PKD2: variants seen among roughly 807,000 people sequenced by gnomAD.
PKD2 encodes polycystin 2, transient receptor potential cation channel.
A neutral mutation model predicts 105.9 loss-of-function variants in PKD2; 48 were observed. The ratio of observed to expected loss-of-function variants is 0.45; its 90% CI spans 0.36 to 0.58. The LOEUF (loss-of-function observed/expected upper bound fraction) is 0.58, where lower values mean the gene tolerates loss of function less well. Among genes scored for constraint, PKD2 ranks in the 20% least tolerant of loss-of-function variants. The probability of loss-of-function intolerance (pLI) is 0.00; values close to 1 mark genes in which losing one functional copy is unlikely to be tolerated. For synonymous variants in PKD2, 464 were observed against 481.1 expected (o/e 0.96, Z 0.46); for missense variants, 1,078 against 1,255.3 (o/e 0.86, Z 2.13).
At chr4:88,017,044 G>T (rs1014957929) in intron 1 of PKD2, among the ~76,000 whole-genome samples, 7 of 151,598 alleles carry the variant, frequency 4.6e-5, no homozygotes, top group Non-Finnish European at 8.8e-5. Context: ...AAATAAGGGA[G>T]GCCAAGTGCA....
At chr4:88,073,816 T>C (rs113584238) in intron 13 of PKD2, among the ~76,000 whole-genome samples, 4 of 152,336 alleles carry the variant, frequency 2.6e-5, no homozygotes, top group African/African-American at 9.6e-5. Flanking sequence ...TTTTTAATAT[T>C]TGAGTTTTAA....
intron 8 of PKD2, 55 bp from the exon 9 acceptor site, chr4:88,057,928 C>T (rs1049063768): frequency 1.5e-6 from 2 of 1,345,930 alleles, no homozygotes; most frequent in Non-Finnish European, 2.1e-6. Context: ...AATGTTGCAT[C>T]AACTAGTGGA....
chr4:88,071,975 C>CTTTTTTTTTTTTT (rs1199490302), intron 13 of PKD2, among the ~76,000 whole-genome samples: 1 of 87,110 alleles, frequency 1.1e-5, no homozygotes, highest in Non-Finnish European at 2.1e-5. Context: ...AGAGGCCAGT[C>CTTTTTTTTTTTTT]TTTTTTTTTT....
intron 10 of PKD2, among the ~76,000 whole-genome samples, chr4:88,063,096 C>G (rs537927541): frequency 1.4e-4 from 21 of 152,348 alleles, no homozygotes; most frequent in African/African-American, 4.3e-4. Flanking sequence ...GATGTGCAGG[C>G]TGAGCAGGCT....
At chr4:88,068,716 T>A (rs1169878777) in intron 13 of PKD2, among the ~76,000 whole-genome samples, 2 of 152,224 alleles carry the variant, frequency 1.3e-5, no homozygotes, top group African/African-American at 4.8e-5. Context: ...AGAATGAATA[T>A]TCTGCTGTTC....
chr4:88,065,496 G>C lies in PKD2; in HGVS notation c.2240+1G>C, dbSNP rs1553927783. 6.2e-7 allele frequency: 1 copy of C among 1,613,650 alleles called. No homozygotes were observed. The highest frequency in any genetic ancestry group is 8.5e-7 in the Non-Finnish European group (1 of 1,179,618). On this transcript the variant is annotated splice_donor_variant, in intron 11 of 14. Transcript: ENST00000237596. LOFTEE classifies it high-confidence loss of function. ...ACGAACTTCGACAAGATCTCAAAGG[G>C]TGAGAATCATGCTTCCTGAGGTTCT...
chr4:88,071,099 A>G (rs1721018461), intron 13 of PKD2, among the ~76,000 whole-genome samples: 1 of 151,766 alleles, frequency 6.6e-6, no homozygotes, highest in Non-Finnish European at 1.5e-5. Flanking sequence ...TCTGTCACCC[A>G]GGCTAGAGTG....
Position 88,007,814 on chromosome 4 carries a change from C to T in PKD2, c.81C>T (p.Gly27=). The stretch of plus-strand genomic sequence containing the variant: ...CCGCGCCCCGCGCGCCGGACCCGGG[C>T]CGGCTGATGGCTGGCTGCGCGGCCG... ...RPPAPRAPDP[G]RLMAGCAAVG... Residue 27 remains glycine, a synonymous_variant, in exon 1 of 15, where the codon GGC becomes GGT. Coordinates refer to ENST00000237596, the MANE Select transcript of PKD2 (RefSeq NM_000297.4). 1 of 1,174,564 alleles carries T rather than the reference C, an allele frequency of 8.5e-7. No homozygotes were observed. Among genetic ancestry groups the T allele is most frequent in the South Asian group, 4.0e-5 (1 of 25,306 alleles). The allele number at this position is 1,174,564 out of a possible 1,614,324, so 72.8% of individuals were successfully genotyped here. A position where few individuals can be genotyped will look rare whatever the true frequency, so the allele number is the denominator to read the frequency against.
chr4:88,075,675 G>A lies in PKD2; in HGVS notation c.2888G>A (p.Ser963Asn). ...ATGGAAGGTGCAGGTGGAAATGGGA[G>A]TTCTAATGTCCACGTATGATATGTG... ...EGMEGAGGNG[S>N]SNVHV The change falls in exon 15 of 15, where the codon AGT becomes AAT. Residue 963 changes from serine to asparagine, a missense_variant. This residue lies in a region of PKD2 where 868 missense variants were observed against 1,067.3 expected (regional missense o/e 0.81). Transcript: ENST00000237596. The A allele has an allele frequency of 6.2e-7, 1 of 1,611,558 alleles. No individual in the cohort carries two copies. The highest frequency in any genetic ancestry group is 8.5e-7 in the Non-Finnish European group (1 of 1,177,690).
intron 2 of PKD2, among the ~76,000 whole-genome samples, chr4:88,031,781 A>G (rs1276418134): frequency 2.0e-5 from 3 of 152,124 alleles, no homozygotes; most frequent in Non-Finnish European, 4.4e-5. Flanking sequence ...TAATTGTTTT[A>G]TTACTAACAG....
At chr4:88,033,944 C>T (rs900849284) in intron 2 of PKD2, among the ~76,000 whole-genome samples, 2 of 152,186 alleles carry the variant, frequency 1.3e-5, no homozygotes, top group Non-Finnish European at 1.5e-5. Context: ...CATGTCCATC[C>T]TTTGCATCCT....
intron 1 of PKD2, among the ~76,000 whole-genome samples, chr4:88,015,389 CTGATATTTT>C (rs1250124817): frequency 6.6e-6 from 1 of 152,110 alleles, no homozygotes; most frequent in Non-Finnish European, 1.5e-5. Context: ...TGTGATATTT[CTGATATTTT>C]CTAAAATAAA....
intron 6 of PKD2, among the ~76,000 whole-genome samples, chr4:88,050,284 A>G (rs115852287): frequency 4.9e-4 from 75 of 152,132 alleles, no homozygotes; most frequent in African/African-American, 1.7e-3. Flanking sequence ...CGACTAATTC[A>G]TTTATTCAGC....
intron 8 of PKD2, among the ~76,000 whole-genome samples, chr4:88,057,610 A>G (rs1207922260): frequency 1.3e-5 from 2 of 151,552 alleles, no homozygotes; most frequent in East Asian, 3.9e-4. Context: ...TAATTTTTGT[A>G]TTTTTAGTAG....
chr4:88,013,658 C>A (rs181657497), intron 1 of PKD2, among the ~76,000 whole-genome samples: 1 of 151,162 alleles, frequency 6.6e-6, no homozygotes, highest in East Asian at 2.0e-4. Flanking sequence ...GCTGTGATCA[C>A]GCCACTGCAC....
chr4:88,043,183 AG>A (rs1560611736), intron 4 of PKD2, 49 bp from the exon 5 acceptor site: 1 of 1,166,950 alleles, frequency 8.6e-7, no homozygotes, highest in Admixed American at 1.7e-5. Context: ...AATTGCCTCA[AG>A]TGTTCCACTG....
chr4:88,054,873 C>T lies in PKD2; in HGVS notation c.1717-1213C>T, dbSNP rs375024164. 8.6e-5 allele frequency among the ~76,000 whole-genome samples: 13 copies of T among 152,028 alleles called. No homozygotes were observed. The South Asian group carries it at 1.9e-3, about 22-fold the overall frequency. On this transcript the variant is annotated intron_variant, in intron 7 of 14. Transcript: ENST00000237596. ...GTTTCACCGTGTTAGCCAGGATGGT[C>T]TCGATCTCCTGACCTCGTGATCCAC... is the stretch of plus-strand genomic sequence containing the variant.
intron 1 of PKD2, among the ~76,000 whole-genome samples, chr4:88,015,965 G>A (rs1010012805): frequency 1.3e-5 from 2 of 152,188 alleles, no homozygotes; most frequent in Non-Finnish European, 2.9e-5. Flanking sequence ...CCTGGGGTAG[G>A]AAGTGTTTGG....
At chr4:88,010,535 T>C (rs958925689) in intron 1 of PKD2, among the ~76,000 whole-genome samples, 1 of 152,232 alleles carries the variant, frequency 6.6e-6, no homozygotes, top group Admixed American at 6.5e-5. Flanking sequence ...AAATCTTATA[T>C]GCACTATGTA....
Sources: allele counts gnomAD v4.1 joint callset (sites outside exome capture counted in the v4.1 genomes callset), GRCh38; gene constraint gnomAD v4.1.1; regional missense constraint gnomAD v4.1.1; transcripts MANE v1.5; gene names NCBI Gene and HGNC (gene_info 2026-07-23, HGNC 2026-07-21).